TTC7A: variants seen among roughly 807,000 people sequenced by gnomAD.
The protein encoded by TTC7A is tetratricopeptide repeat domain 7A, also known as tetratricopeptide repeat protein 7A.
In TTC7A, 110 loss-of-function variants were observed where a neutral mutation model predicts 103.7. That is an observed-to-expected ratio of 1.06 (90% CI 0.91 to 1.24). TTC7A has a LOEUF of 1.24. Among genes scored for constraint, TTC7A ranks in the 50% most tolerant of loss-of-function variants. The pLI is 0.00. For missense variants in TTC7A, 1,340 were observed against 1,116.3 expected (o/e 1.20, Z -2.86); for synonymous variants, 521 against 467.9 (o/e 1.11, Z -1.47).
intron 15 of TTC7A, among the ~76,000 whole-genome samples, chr2:47,044,227 C>A (rs534652628): frequency 6.6e-6 from 1 of 152,346 alleles, no homozygotes; most frequent in African/African-American, 2.4e-5. Flanking sequence ...CAGCAAGACC[C>A]CTTTCCTGTT....
chr2:46,945,290 G>C (rs765671225), intron 1 of TTC7A, among the ~76,000 whole-genome samples: 3 of 152,042 alleles, frequency 2.0e-5, no homozygotes, highest in Middle Eastern at 3.4e-3. Flanking sequence ...GTCTTGCTCT[G>C]TTGCCAGGCT....
At chr2:46,987,577 G>A (rs1022121479) in intron 5 of TTC7A, among the ~76,000 whole-genome samples, 3 of 152,186 alleles carry the variant, frequency 2.0e-5, no homozygotes, top group Non-Finnish European at 2.9e-5. Context: ...CCTAGACCTG[G>A]CAGCACCTAT....
chr2:46,960,429 C>T (rs1672269485), intron 3 of TTC7A, among the ~76,000 whole-genome samples: 1 of 152,192 alleles, frequency 6.6e-6, no homozygotes, highest in African/African-American at 2.4e-5. Flanking sequence ...ACATGGGGTA[C>T]AGACCCATCC....
At chr2:46,940,369 CAGCACTGGTCTGTG>C (rs917864318), upstream of TTC7A, among the ~76,000 whole-genome samples, 17 of 152,240 alleles carry the variant, frequency 1.1e-4, no homozygotes, top group African/African-American at 4.1e-4. This position sits in a 1 kb window ranked among gnomAD's most constrained non-coding sequence, Gnocchi z 4.7. Context: ...GTGGCTTCTC[CAGCACTGGTCTGTG>C]AGCTGCGGCG....
chr2:46,958,837 C>T (rs1672131666), intron 3 of TTC7A, among the ~76,000 whole-genome samples: 1 of 152,184 alleles, frequency 6.6e-6, no homozygotes, highest in South Asian at 2.1e-4. Flanking sequence ...CCACACCCTT[C>T]GGGGGCTGAG....
intron 14 of TTC7A, 62 bp from the exon 15 acceptor site, chr2:47,029,162 G>C: frequency 6.3e-7 from 1 of 1,587,608 alleles, no homozygotes; most frequent in Non-Finnish European, 8.6e-7. Context: ...CTGGCACGTG[G>C]CTCCTGAGTC....
Position 47,006,626 on chromosome 2 carries a change from A to C in TTC7A, c.1204-15A>C, listed in dbSNP as rs755269389. 1 of 1,611,704 alleles carries C rather than the reference A, an allele frequency of 6.2e-7. No homozygotes were observed. The highest frequency in any genetic ancestry group is 2.2e-5 in the East Asian group (1 of 44,846). Reference sequence around the variant, plus strand: ...GACCCCTGGTGGGTAAATGCTGACTATCTCCCCTCCCCAGTGCCTGGAGCG... The same window carrying C: ...GACCCCTGGTGGGTAAATGCTGACTCTCTCCCCTCCCCAGTGCCTGGAGCG... On this transcript the variant is annotated splice_polypyrimidine_tract_variant and intron_variant, in intron 9 of 19. Transcript: ENST00000319190.
intron 16 of TTC7A, chr2:47,047,291 C>T: frequency 1.3e-6 from 2 of 1,549,838 alleles, no homozygotes; most frequent in Non-Finnish European, 1.7e-6. Context: ...AGAAGGCTTC[C>T]AGACTCCCCA....
Position 47,046,382 on chromosome 2 carries a change from A to G in TTC7A, c.1870A>G (p.Arg624Gly). The G allele has an allele frequency of 6.2e-7, 1 of 1,614,242 alleles. No homozygotes were observed. Among genetic ancestry groups the G allele is most frequent in the Non-Finnish European group, 8.5e-7 (1 of 1,180,044 alleles). The change falls in exon 16 of 20, where the codon AGA becomes GGA. Residue 624 changes from arginine (R) to glycine (G), a missense_variant. By Grantham distance (125) the Arg-to-Gly change is moderately radical (BLOSUM62 -2). Transcript: ENST00000319190. ...KGPEEALVTC[R>G]QVLRLWQTLY... Reference sequence around the variant, plus strand: ...CCCAGAGGAAGCCCTCGTGACCTGCAGACAAGTGCTGAGGCTGTGGCAGAC... The same window carrying G: ...CCCAGAGGAAGCCCTCGTGACCTGCGGACAAGTGCTGAGGCTGTGGCAGAC...
intron 2 of TTC7A, among the ~76,000 whole-genome samples, chr2:46,953,852 C>G (rs1671615022): frequency 6.7e-6 from 1 of 148,754 alleles, no homozygotes; most frequent in Non-Finnish European, 1.5e-5. Flanking sequence ...TGTAGAGACA[C>G]AGTTCTTACT....
intron 15 of TTC7A, among the ~76,000 whole-genome samples, chr2:47,029,704 GC>G (rs1409127995): frequency 6.6e-6 from 1 of 152,216 alleles, no homozygotes; most frequent in Non-Finnish European, 1.5e-5. Context: ...CCTGGGCTCT[GC>G]ATCAGCCTCA....
At chr2:46,979,356 G>A (rs974027239) in intron 5 of TTC7A, among the ~76,000 whole-genome samples, 4 of 152,140 alleles carry the variant, frequency 2.6e-5, no homozygotes, top group African/African-American at 4.8e-5. Flanking sequence ...TGTTCATTCC[G>A]GCTTTTAAGG....
chr2:46,975,080 GT>G lies in TTC7A; in HGVS notation c.626del (p.Val209GlyfsTer18). 1 of 1,613,930 alleles carries G rather than the reference GT, an allele frequency of 6.2e-7. No individual in the cohort carries two copies. The highest frequency in any genetic ancestry group is 8.5e-7 in the Non-Finnish European group (1 of 1,179,886). ...CFERASWIAQVFLQELEKTTN... is the reference protein window; with the variant it reads ...CFERASWIAQXFLQELEKTTN... ...TGAGAGGGCCTCCTGGATCGCTCAG[GT>G]GTTCCTGCAGGAATTGGAGAAGGTG... On this transcript the variant is annotated frameshift_variant, in exon 4 of 20. Transcript: ENST00000319190. LOFTEE classifies it high-confidence loss of function.
intron 2 of TTC7A, among the ~76,000 whole-genome samples, chr2:46,929,470 C>T (rs1669580060): frequency 6.6e-6 from 1 of 152,210 alleles, no homozygotes; most frequent in Non-Finnish European, 1.5e-5. Context: ...GGCAACAGAG[C>T]ACGACCCTGT....
intron 19 of TTC7A, among the ~76,000 whole-genome samples, chr2:47,066,930 TGAG>T (rs1037187959): frequency 6.6e-6 from 1 of 152,202 alleles, no homozygotes; most frequent in African/African-American, 2.4e-5. Context: ...TTCTGGAGGC[TGAG>T]AAGTCAAAGA....
intron 14 of TTC7A, among the ~76,000 whole-genome samples, chr2:47,027,964 T>A (rs1410120616): frequency 6.6e-6 from 1 of 151,934 alleles, no homozygotes; most frequent in Non-Finnish European, 1.5e-5. Flanking sequence ...CTGTCAGGAG[T>A]GCGCAGGCCA....
chr2:47,012,306 CCT>C (rs779818758), intron 11 of TTC7A, among the ~76,000 whole-genome samples: 18 of 152,222 alleles, frequency 1.2e-4, no homozygotes, highest in Non-Finnish European at 1.8e-4. Flanking sequence ...CTATTTCTAC[CCT>C]CTCAAGCAAC....
At chr2:46,990,482 C>T (rs926035957) in intron 5 of TTC7A, among the ~76,000 whole-genome samples, 1 of 152,228 alleles carries the variant, frequency 6.6e-6, no homozygotes, top group Non-Finnish European at 1.5e-5. Context: ...CCTGCAGGCA[C>T]TTGTGTCCTC....
At chr2:47,000,337 A>G (rs1433793108) in intron 8 of TTC7A, among the ~76,000 whole-genome samples, 1 of 151,236 alleles carries the variant, frequency 6.6e-6, no homozygotes, top group African/African-American at 2.4e-5. Context: ...AGCTTTTGGG[A>G]TCTGGTTTGT....
Sources: allele counts gnomAD v4.1 joint callset (sites outside exome capture counted in the v4.1 genomes callset), GRCh38; gene constraint gnomAD v4.1.1; non-coding constraint Gnocchi (gnomAD v3.1); transcripts MANE v1.5; gene names NCBI Gene and HGNC (gene_info 2026-07-23, HGNC 2026-07-21).